Variants in KCNH5 observed in about 807,000 individuals in gnomAD.
KCNH5 encodes the protein potassium voltage-gated channel subfamily H member 5.
KCNH5 carries 46 observed loss-of-function variants against 96.1 expected under a neutral mutation model. That is an observed-to-expected ratio of 0.48 (90% CI 0.38 to 0.61). KCNH5 has a LOEUF of 0.61. Among genes scored for constraint, KCNH5 ranks in the 20% least tolerant of loss-of-function variants. The probability of loss-of-function intolerance (pLI) is 0.00; values close to 1 mark genes in which losing one functional copy is unlikely to be tolerated. For synonymous variants in KCNH5, 439 were observed against 449.8 expected, an observed-to-expected ratio of 0.98 and a Z score of 0.30; for missense variants, 907 against 1,225.8, an observed-to-expected ratio of 0.74 and a Z score of 3.88.
At position 62,900,447 on chromosome 14, in the gene KCNH5, A is replaced by G. The variant is rs1378586292; in HGVS notation, c.1369+49686T>C. Among the ~76,000 whole-genome samples, 4 of 152,228 alleles carry G rather than the reference A, an allele frequency of 2.6e-5. No individual in the cohort carries two copies. In the South Asian group the frequency reaches 6.2e-4, roughly 24 times the overall value. On this transcript the variant is annotated intron_variant, in intron 7 of 10. Coordinates refer to ENST00000322893, the MANE Select transcript of KCNH5 (RefSeq NM_139318.5). The stretch of plus-strand genomic sequence containing the variant: ...AATTATGTCTTTCAACAAAATTTTT[A>G]AATCTTCCAATAAATAGAAATAAAA...
intron 1 of KCNH5, among the ~76,000 whole-genome samples, chr14:63,031,823 C>A (rs1891633474): frequency 6.6e-6 from 1 of 152,026 alleles, no homozygotes; most frequent in Non-Finnish European, 1.5e-5. Context: ...ACTGTATAAT[C>A]ATTTCACTAT....
chr14:62,751,441 G>T (rs1478579874), intron 10 of KCNH5, among the ~76,000 whole-genome samples: 1 of 152,194 alleles, frequency 6.6e-6, no homozygotes, highest in African/African-American at 2.4e-5. Flanking sequence ...TCCAATGGGA[G>T]CTGTGGTGGA....
intron 8 of KCNH5, among the ~76,000 whole-genome samples, chr14:62,805,772 T>G (rs2140002928): frequency 6.6e-6 from 1 of 152,262 alleles, no homozygotes; most frequent in Admixed American, 6.5e-5. Context: ...AGGTTAAAAG[T>G]GACTTTTGTT....
chr14:62,884,865 T>C (rs933442634), intron 7 of KCNH5, among the ~76,000 whole-genome samples: 1 of 152,216 alleles, frequency 6.6e-6, no homozygotes, highest in Non-Finnish European at 1.5e-5. Context: ...CTGTAACATA[T>C]AATTATGTCA....
At chr14:62,920,938 T>C (rs1475664567) in intron 7 of KCNH5, among the ~76,000 whole-genome samples, 1 of 152,160 alleles carries the variant, frequency 6.6e-6, no homozygotes, top group Non-Finnish European at 1.5e-5. Context: ...AAAGAGCTTT[T>C]TGTTTCAATA....
chr14:62,905,358 GA>G (rs1415385217), intron 7 of KCNH5, among the ~76,000 whole-genome samples: 1 of 152,216 alleles, frequency 6.6e-6, no homozygotes, highest in Non-Finnish European at 1.5e-5. Flanking sequence ...TATGGAAGGA[GA>G]GAAGTATGCA....
At chr14:62,723,166 C>A (rs1479135450) in intron 10 of KCNH5, among the ~76,000 whole-genome samples, 2 of 151,824 alleles carry the variant, frequency 1.3e-5, no homozygotes, top group Non-Finnish European at 2.9e-5. Flanking sequence ...AAGAAATTTT[C>A]TACAGCTTGT....
At chr14:62,934,935 A>G (rs1889650450) in intron 7 of KCNH5, among the ~76,000 whole-genome samples, 1 of 152,170 alleles carries the variant, frequency 6.6e-6, no homozygotes, top group Non-Finnish European at 1.5e-5. Context: ...GAGAAACCCA[A>G]AATAGGTTGA....
At chr14:62,851,872 T>C (rs1210564354) in intron 7 of KCNH5, among the ~76,000 whole-genome samples, 1 of 152,134 alleles carries the variant, frequency 6.6e-6, no homozygotes, top group Non-Finnish European at 1.5e-5. Context: ...TTTAACAAAT[T>C]ACGACACATT....
intron 10 of KCNH5, among the ~76,000 whole-genome samples, chr14:62,759,564 G>A (rs200820689): frequency 3.3e-5 from 2 of 60,658 alleles, no homozygotes; most frequent in Non-Finnish European, 9.8e-5. Flanking sequence ...CCCTCCAGGC[G>A]TAGGGTATAT....
chr14:62,962,453 G>A (rs1594647907), intron 6 of KCNH5, among the ~76,000 whole-genome samples: 1 of 152,260 alleles, frequency 6.6e-6, no homozygotes, highest in East Asian at 1.9e-4. Flanking sequence ...ATGGATTGAA[G>A]TCATGAATGA....
At chr14:62,840,946 G>C (rs769080899) in intron 8 of KCNH5, among the ~76,000 whole-genome samples, 10 of 152,030 alleles carry the variant, frequency 6.6e-5, no homozygotes, top group Non-Finnish European at 1.5e-4. Flanking sequence ...GCTGCCTTCT[G>C]CTGTGCCAGA....
At chr14:62,800,008 G>A (rs1886628562) in intron 9 of KCNH5, among the ~76,000 whole-genome samples, 2 of 150,890 alleles carry the variant, frequency 1.3e-5, no homozygotes, top group South Asian at 4.2e-4. Context: ...GGAAGAAGAG[G>A]AGAATCAGGA....
chr14:62,897,263 C>A (rs1323982839), intron 7 of KCNH5, among the ~76,000 whole-genome samples: 4 of 152,150 alleles, frequency 2.6e-5, no homozygotes, highest in African/African-American at 9.7e-5. Context: ...TCCTTATTAG[C>A]ATGACTTTTA....
chr14:62,750,112 C>A (rs535576375), intron 10 of KCNH5, among the ~76,000 whole-genome samples: 7 of 152,176 alleles, frequency 4.6e-5, no homozygotes, highest in African/African-American at 9.7e-5. Flanking sequence ...TGCCAATCTT[C>A]ACCAGGGTAT....
At chr14:62,738,325 A>C (rs61575468) in intron 10 of KCNH5, among the ~76,000 whole-genome samples, 2,238 of 152,242 alleles carry the variant, frequency 0.015, 54 homozygotes, top group African/African-American at 0.05. Context: ...TTTACATTTA[A>C]CATTTTCAGA....
intron 8 of KCNH5, among the ~76,000 whole-genome samples, chr14:62,812,658 C>G (rs1227207139): frequency 6.6e-6 from 1 of 152,010 alleles, no homozygotes; most frequent in Non-Finnish European, 1.5e-5. Flanking sequence ...AAATGGTTGA[C>G]TAGAGAGAGT....
intron 9 of KCNH5, among the ~76,000 whole-genome samples, chr14:62,798,682 C>G (rs908588485): frequency 6.6e-6 from 1 of 152,152 alleles, no homozygotes; most frequent in African/African-American, 2.4e-5. Context: ...TTGAAGCCAT[C>G]CTCCAGTGTT....
intron 10 of KCNH5, among the ~76,000 whole-genome samples, chr14:62,729,301 T>C (rs1885001112): frequency 6.6e-6 from 1 of 152,236 alleles, no homozygotes; most frequent in South Asian, 2.1e-4. Flanking sequence ...CTTATATCCA[T>C]ATAATGTATC....
Sources: allele counts gnomAD v4.1 joint callset (sites outside exome capture counted in the v4.1 genomes callset), GRCh38; gene constraint gnomAD v4.1.1; transcripts MANE v1.5; gene names NCBI Gene and HGNC (gene_info 2026-07-23, HGNC 2026-07-21).